EXTL3: variants seen among roughly 807,000 people sequenced by gnomAD.
The protein encoded by EXTL3 is exostosin like glycosyltransferase 3.
Under a neutral mutation model 69.3 loss-of-function variants are expected in EXTL3, and 27 were observed. That is an observed-to-expected ratio of 0.39 (90% CI 0.29 to 0.54). EXTL3 has a LOEUF of 0.54. Among genes scored for constraint, EXTL3 ranks in the 20% least tolerant of loss-of-function variants. EXTL3 has a pLI of 0.69. For synonymous variants in EXTL3, 511 were observed against 499.4 expected (o/e 1.02, Z -0.31); for missense variants, 1,003 against 1,231.8 (o/e 0.81, Z 2.78).
rs530252903 is a variant in EXTL3, at chr8:28,722,144, AG to A, written c.2148+3938del. Reference sequence around the variant, plus strand: ...CTGGAGGGATGTATGGGGAATGGCAAGCACCAGAAGCGATGCCCAGTGCATC... The same window carrying A: ...CTGGAGGGATGTATGGGGAATGGCAACACCAGAAGCGATGCCCAGTGCATC... On this transcript the variant is annotated intron_variant, in intron 3 of 6. Coordinates refer to ENST00000220562, the MANE Select transcript of EXTL3 (RefSeq NM_001440.4). Among the ~76,000 whole-genome samples, 27 of 152,294 alleles carry A rather than the reference AG, an allele frequency of 1.8e-4. No homozygotes were observed. The South Asian group carries it at 5.6e-3, about 32-fold the overall frequency.
chr8:28,709,321 C>T (rs906794356), intron 1 of EXTL3, among the ~76,000 whole-genome samples: 2 of 152,096 alleles, frequency 1.3e-5, no homozygotes, highest in Admixed American at 6.6e-5. Flanking sequence ...GCATTCAATA[C>T]CTGTTAGCTA....
intron 1 of EXTL3, among the ~76,000 whole-genome samples, chr8:28,638,880 C>T (rs1412787655): frequency 2.0e-5 from 3 of 151,998 alleles, no homozygotes; most frequent in Non-Finnish European, 4.4e-5. Context: ...ATCCGCCCAC[C>T]TCAACGTCCC....
In EXTL3 at chr8:28,743,208, C is replaced by G. The variant is rs1476534704; in HGVS notation, c.2544C>G (p.Pro848=). The G allele has an allele frequency of 3.1e-6, 5 of 1,614,218 alleles. No homozygotes were observed. The highest frequency in any genetic ancestry group is 4.2e-6 in the Non-Finnish European group (5 of 1,180,016). The change falls in exon 6 of 7, where the codon CCC becomes CCG. Residue 848 remains proline (P), a synonymous_variant. Coordinates refer to ENST00000220562, the MANE Select transcript of EXTL3 (RefSeq NM_001440.4). The part of the protein sequence containing the change: ...FLVSHITRKP[P]IKVTSRWTFR... The stretch of plus-strand genomic sequence containing the variant: ...TCTCCCACATCACTCGGAAGCCCCC[C>G]ATCAAGGTGAGGTCCCACCACTGGT...
chr8:28,730,362 A>G (rs1415086414), intron 3 of EXTL3: 1 of 152,150 alleles, frequency 6.6e-6, no homozygotes, highest in Non-Finnish European at 1.5e-5. Context: ...TGGTTGGACT[A>G]ATTAGACAAA....
chr8:28,619,146 T>C (rs1806369882), upstream of EXTL3, among the ~76,000 whole-genome samples: 1 of 147,962 alleles, frequency 6.8e-6, no homozygotes. Flanking sequence ...TCAGTTCTGT[T>C]ACCTGATTTA....
At chr8:28,745,250 T>A (rs1485746392) in intron 6 of EXTL3, among the ~76,000 whole-genome samples, 1 of 152,216 alleles carries the variant, frequency 6.6e-6, no homozygotes, top group African/African-American at 2.4e-5. Flanking sequence ...GGACGCTGGT[T>A]CCATGCAGCA....
chr8:28,692,752 G>T (rs530113076), intron 1 of EXTL3, among the ~76,000 whole-genome samples: 3 of 152,318 alleles, frequency 2.0e-5, no homozygotes, highest in African/African-American at 7.2e-5. Flanking sequence ...ATTTTTAAAT[G>T]AAAGTAGTGA....
At chr8:28,713,608 C>T (rs1801076329) in intron 2 of EXTL3, 58 bp downstream of exon 2, 1 of 690,364 alleles carries the variant, frequency 1.4e-6, no homozygotes, top group Admixed American at 2.1e-5. Flanking sequence ...TCTTTTTCTT[C>T]CATTCTGTTG....
intron 1 of EXTL3, among the ~76,000 whole-genome samples, chr8:28,653,118 T>A: frequency 6.6e-6 from 1 of 152,248 alleles, no homozygotes; most frequent in East Asian, 1.9e-4. Context: ...CACATGATAG[T>A]AGCATATAGA....
chr8:28,673,970 A>T (rs1053570754), intron 1 of EXTL3, among the ~76,000 whole-genome samples: 1 of 152,254 alleles, frequency 6.6e-6, no homozygotes, highest in South Asian at 2.1e-4. Flanking sequence ...CTAATAGTCC[A>T]TAACGTGAGC....
Position 28,717,801 on chromosome 8 carries a change from A to C in EXTL3, c.1742A>C (p.Glu581Ala), listed in dbSNP as rs1801197133. ...CTGGACCTGGGGCCAGTGGAGACGGAGCCGCCCTACGCCTCACCCAGATAC... is the reference window on the plus strand; with the variant it reads ...CTGGACCTGGGGCCAGTGGAGACGGCGCCGCCCTACGCCTCACCCAGATAC... ...GDLDLGPVET[E>A]PPYASPRYLR... The change falls in exon 3 of 7, where the codon GAG becomes GCG. Residue 581 changes from glutamate to alanine, a missense_variant. Physicochemically the swap from Glu to Ala is moderately radical, Grantham distance 107. Coordinates refer to ENST00000220562, the MANE Select transcript of EXTL3 (RefSeq NM_001440.4). The surrounding 1 kb of genome is among the most constrained non-coding windows in gnomAD (Gnocchi z 8.3). The C allele has an allele frequency of 6.2e-7, 1 of 1,613,048 alleles. No individual in the cohort carries two copies. The highest frequency in any genetic ancestry group is 1.3e-5 in the African/African-American group (1 of 74,984).
intron 1 of EXTL3, chr8:28,677,941 A>G (rs780118073): frequency 1.6e-4 from 24 of 152,240 alleles, no homozygotes; most frequent in Non-Finnish European, 3.1e-4. Context: ...TCCTGAACCA[A>G]ATGGTACAGT....
At chr8:28,702,451 A>G (rs906470583) in intron 1 of EXTL3, among the ~76,000 whole-genome samples, 5 of 152,196 alleles carry the variant, frequency 3.3e-5, no homozygotes, top group Admixed American at 2.6e-4. Flanking sequence ...CCGGCTGCTG[A>G]TGGGTGCTGC....
chr8:28,700,329 G>A (rs1009670570), upstream of EXTL3: 1 of 152,252 alleles, frequency 6.6e-6, no homozygotes, highest in African/African-American at 2.4e-5. Context: ...GGGGTGGAGA[G>A]ATGAAGAGTG....
rs552978185 is a variant in EXTL3 at position 28,721,773 on chromosome 8, T to C, written c.2148+3566T>C. ...AGTTACTACTTTATTCTGACCAGTT[T>C]ACACATCTTCCTTACTCTGCTTTAT... On this transcript the variant is annotated intron_variant, in intron 3 of 6. Transcript: ENST00000220562. Among the ~76,000 whole-genome samples, 57 of 152,356 alleles carry C rather than the reference T, an allele frequency of 3.7e-4. No individual in the cohort carries two copies. In the East Asian group the frequency reaches 8.9e-3, roughly 24 times the overall value.
chr8:28,691,635 C>T (rs571676515), intron 1 of EXTL3, among the ~76,000 whole-genome samples: 19 of 146,182 alleles, frequency 1.3e-4, no homozygotes, highest in Non-Finnish European at 2.2e-4. Flanking sequence ...CGGTGGCTCA[C>T]GCCTGTAATC....
At chr8:28,609,169 G>C (rs1401371982) in intron 2 of EXTL3, among the ~76,000 whole-genome samples, 1 of 152,132 alleles carries the variant, frequency 6.6e-6, no homozygotes, top group African/African-American at 2.4e-5. Context: ...AGCACAGTGA[G>C]TGAACAGAGA....
chr8:28,750,615 A>G lies in EXTL3; in HGVS notation c.2551-42A>G, dbSNP rs982465103. ...GCTCAGCTGCAAGGGTTCTGTCAGT[A>G]TTAGCTGGGATTCCCACTCTGTCTC... On this transcript the variant is annotated intron_variant, in intron 6 of 6. Transcript: ENST00000220562. The surrounding 1 kb of genome is among the most constrained non-coding windows in gnomAD (Gnocchi z 5.2). The G allele has an allele frequency of 2.0e-6, 3 of 1,509,838 alleles. No individual in the cohort carries two copies. The highest frequency in any genetic ancestry group is 1.7e-5 in the Admixed American group (1 of 59,872). 93.5% of individuals were successfully genotyped at this position (1,509,838 alleles called of 1,614,324 possible). A position where few individuals can be genotyped will look rare whatever the true frequency, so the allele number is the denominator to read the frequency against.
At chr8:28,713,697 A>C in intron 2 of EXTL3, 147 bp downstream of exon 2, 1 of 608,194 alleles carries the variant, frequency 1.6e-6, no homozygotes, top group Non-Finnish European at 2.9e-6. Context: ...AATCACAAGG[A>C]TAATGTAAAT....
Sources: gnomAD v4.1 joint callset for allele counts (sites outside exome capture counted in the v4.1 genomes callset) on GRCh38, gnomAD v4.1.1 for gene constraint, Gnocchi (gnomAD v3.1) non-coding constraint, MANE v1.5 for transcripts, NCBI Gene and HGNC (gene_info 2026-07-23, HGNC 2026-07-21) for gene names.